LDLRAD4: variants seen among roughly 807,000 people sequenced by gnomAD.
The protein encoded by LDLRAD4 is low-density lipoprotein receptor class A domain-containing protein 4.
LDLRAD4 carries 5 observed loss-of-function variants against 17.0 expected under a neutral mutation model. The ratio of observed to expected loss-of-function variants is 0.29; its 90% CI spans 0.15 to 0.62. The LOEUF (loss-of-function observed/expected upper bound fraction) is 0.62, where lower values mean the gene tolerates loss of function less well. LDLRAD4 is among the 20% of genes least tolerant of loss of function. The probability of loss-of-function intolerance (pLI) is 0.84; values close to 1 mark genes in which losing one functional copy is unlikely to be tolerated. For missense variants in LDLRAD4, 340 were observed against 424.7 expected (o/e 0.80, Z 1.75); for synonymous variants, 168 against 171.8 (o/e 0.98, Z 0.17).
chr18:13,311,386 C>T (rs1599316728), intron 1 of LDLRAD4, among the ~76,000 whole-genome samples: 1 of 152,334 alleles, frequency 6.6e-6, no homozygotes, highest in Middle Eastern at 3.4e-3. Context: ...GGCGGTGTTG[C>T]GGGTGGCAGG....
intron 1 of LDLRAD4, among the ~76,000 whole-genome samples, chr18:13,256,722 C>T (rs530519428): frequency 6.6e-6 from 1 of 152,130 alleles, no homozygotes; most frequent in African/African-American, 2.4e-5. Context: ...AAACGAGAGC[C>T]CTGGTAAGCT....
intron 3 of LDLRAD4, among the ~76,000 whole-genome samples, chr18:13,545,654 A>C (rs1026047587): frequency 6.6e-6 from 1 of 152,200 alleles, no homozygotes; most frequent in Non-Finnish European, 1.5e-5. Flanking sequence ...CTTAGCTGCA[A>C]ACAAGCTGCG....
intron 1 of LDLRAD4, among the ~76,000 whole-genome samples, chr18:13,223,879 C>T (rs2041604692): frequency 6.6e-6 from 1 of 152,196 alleles, no homozygotes; most frequent in Non-Finnish European, 1.5e-5. Context: ...AAGGGTGGAG[C>T]AGCCTGGGCA....
intron 3 of LDLRAD4, among the ~76,000 whole-genome samples, chr18:13,588,700 G>A (rs1259459407): frequency 6.6e-6 from 1 of 151,932 alleles, no homozygotes; most frequent in Admixed American, 6.5e-5. Context: ...TTTGGCCTCT[G>A]TGTTCTTAGG....
intron 2 of LDLRAD4, among the ~76,000 whole-genome samples, chr18:13,414,399 G>A (rs1046204195): frequency 6.6e-6 from 1 of 152,216 alleles, no homozygotes; most frequent in Non-Finnish European, 1.5e-5. Flanking sequence ...CATGCAGTTG[G>A]CATCTCTATT....
chr18:13,481,380 T>G (rs1600699909), intron 3 of LDLRAD4, among the ~76,000 whole-genome samples: 1 of 151,994 alleles, frequency 6.6e-6, no homozygotes, highest in Admixed American at 6.6e-5. Flanking sequence ...ACAGAAGGGG[T>G]GATTCAGGTT....
At position 13,376,389 on chromosome 18, in the gene LDLRAD4, G is replaced by C. The variant is rs118077044; in HGVS notation, c.-382-10952G>C. On this transcript the variant is annotated intron_variant, in intron 1 of 5. Transcript: ENST00000359446. ...CGCTTAGATCATGAAAGGCCTCTCAGAGCCTGTGCATCCCCATGAACAGCG... is the reference window on the plus strand; with the variant it reads ...CGCTTAGATCATGAAAGGCCTCTCACAGCCTGTGCATCCCCATGAACAGCG... 7.6e-3 allele frequency among the ~76,000 whole-genome samples: 1,151 copies of C among 152,306 alleles called. 7 individuals carry two copies. Among genetic ancestry groups the C allele is most frequent in the Non-Finnish European group, 0.012 (800 of 68,026 alleles).
intron 3 of LDLRAD4, among the ~76,000 whole-genome samples, chr18:13,476,140 T>A (rs1474252814): frequency 6.6e-6 from 1 of 152,194 alleles, no homozygotes; most frequent in African/African-American, 2.4e-5. Flanking sequence ...ATGCCTTAAG[T>A]GCCTGTGGCT....
At chr18:13,364,783 T>G (rs1356066285) in intron 1 of LDLRAD4, among the ~76,000 whole-genome samples, 1 of 152,254 alleles carries the variant, frequency 6.6e-6, no homozygotes, top group Non-Finnish European at 1.5e-5. Flanking sequence ...TATACTCATG[T>G]GTGCAGAAGT....
At chr18:13,472,058 C>G (rs2092790881) in intron 3 of LDLRAD4, 1 of 152,258 alleles carries the variant, frequency 6.6e-6, no homozygotes. Flanking sequence ...GTGACTTCAT[C>G]TTCACCACTG....
intron 1 of LDLRAD4, among the ~76,000 whole-genome samples, chr18:13,377,857 A>C (rs1384014904): frequency 6.6e-6 from 1 of 152,212 alleles, no homozygotes; most frequent in Non-Finnish European, 1.5e-5. Flanking sequence ...ATATCTAAGA[A>C]AAGTCTTACT....
At chr18:13,502,328 T>C (rs981779921) in intron 3 of LDLRAD4, among the ~76,000 whole-genome samples, 4 of 152,252 alleles carry the variant, frequency 2.6e-5, no homozygotes, top group South Asian at 2.1e-4. Context: ...CTCTTGGGAC[T>C]GTGTCCAGAT....
At chr18:13,265,790 C>T (rs2146035862) in intron 1 of LDLRAD4, among the ~76,000 whole-genome samples, 1 of 152,142 alleles carries the variant, frequency 6.6e-6, no homozygotes, top group South Asian at 2.1e-4. Context: ...GAAGTCATCT[C>T]CTGTTGGGGT....
intron 3 of LDLRAD4, among the ~76,000 whole-genome samples, chr18:13,541,430 G>A (rs2094281262): frequency 6.6e-6 from 1 of 152,208 alleles, no homozygotes; most frequent in African/African-American, 2.4e-5. Context: ...GCTCATATAT[G>A]CAAAAGGGTG....
At chr18:13,477,024 T>C (rs1276481641) in intron 3 of LDLRAD4, among the ~76,000 whole-genome samples, 2 of 152,202 alleles carry the variant, frequency 1.3e-5, no homozygotes, top group African/African-American at 4.8e-5. Flanking sequence ...ACAAACATGT[T>C]TGAATTTGAC....
chr18:13,406,257 T>C (rs181464359), intron 2 of LDLRAD4, among the ~76,000 whole-genome samples: 384 of 152,254 alleles, frequency 2.5e-3, no homozygotes, highest in Middle Eastern at 6.8e-3. Context: ...CTTGGTGCCT[T>C]CTAGCTGAGA....
intron 2 of LDLRAD4, among the ~76,000 whole-genome samples, chr18:13,433,502 G>A (rs1445529493): frequency 2.0e-5 from 3 of 152,200 alleles, no homozygotes; most frequent in Non-Finnish European, 4.4e-5. Context: ...TTAAAGGAGT[G>A]TAGGGGAAAT....
At chr18:13,469,527 A>C (rs980583441) in intron 3 of LDLRAD4, among the ~76,000 whole-genome samples, 45 of 152,368 alleles carry the variant, frequency 3.0e-4, no homozygotes, top group African/African-American at 1.1e-3. Flanking sequence ...TGGTATATAC[A>C]CGTGATGAAA....
intron 2 of LDLRAD4, among the ~76,000 whole-genome samples, chr18:13,393,177 G>A (rs1362506524): frequency 2.0e-5 from 3 of 152,162 alleles, no homozygotes; most frequent in African/African-American, 7.2e-5. Context: ...GATGCCCTCA[G>A]CCCCCGCCTT....
Sources: allele counts gnomAD v4.1 joint callset (sites outside exome capture counted in the v4.1 genomes callset), GRCh38; gene constraint gnomAD v4.1.1; transcripts MANE v1.5; gene names NCBI Gene and HGNC (gene_info 2026-07-23, HGNC 2026-07-21).